The following TMEM117 variants were observed in gnomAD, a reference collection of about 807,000 sequenced individuals.
TMEM117 encodes transmembrane protein 117.
Under a neutral mutation model 52.4 loss-of-function variants are expected in TMEM117, and 27 were observed. The ratio of observed to expected loss-of-function variants is 0.51; its 90% CI spans 0.38 to 0.71. The LOEUF (loss-of-function observed/expected upper bound fraction) is 0.71. TMEM117 is among the 30% of genes least tolerant of loss of function. TMEM117 has a pLI of 0.00. For missense variants in TMEM117, 556 were observed against 630.5 expected, an observed-to-expected ratio of 0.88 and a Z score of 1.26; for synonymous variants, 215 against 206.3, an observed-to-expected ratio of 1.04 and a Z score of -0.36.
chr12:44,350,726 A>C (rs546591553), intron 6 of TMEM117, among the ~76,000 whole-genome samples: 1 of 151,940 alleles, frequency 6.6e-6, no homozygotes, highest in Non-Finnish European at 1.5e-5. Context: ...AGAGTACTCT[A>C]TTGTGTATAT....
At chr12:44,018,465 GTAATTT>G (rs1946405602) in intron 3 of TMEM117, among the ~76,000 whole-genome samples, 1 of 152,120 alleles carries the variant, frequency 6.6e-6, no homozygotes, top group Non-Finnish European at 1.5e-5. Flanking sequence ...CACATTTGAA[GTAATTT>G]TAATTAGAAA....
chr12:44,175,234 T>A (rs1011663810), intron 4 of TMEM117, among the ~76,000 whole-genome samples: 2 of 152,076 alleles, frequency 1.3e-5, no homozygotes, highest in African/African-American at 4.8e-5. Flanking sequence ...CTTAAGGTGT[T>A]GATGGTGGAG....
rs1177356042 is a variant in TMEM117, at chr12:44,388,488, A to G, written c.1361A>G (p.Gln454Arg). The change falls in exon 8 of 8, where the codon CAG becomes CGG. Residue 454 changes from glutamine (Q) to arginine (R), a missense_variant. This residue lies in a region of TMEM117 where 206 missense variants were observed against 211.1 expected (regional missense o/e 0.98). Transcript: ENST00000266534. ...KDMGITRENTQASVEDPLNDP... is the reference protein window; with the variant it reads ...KDMGITRENTRASVEDPLNDP... The stretch of plus-strand genomic sequence containing the variant: ...ATGGGAATCACTCGAGAAAACACCC[A>G]GGCTTCAGTAGAAGACCCCTTGAAT... 6.2e-7 allele frequency: 1 copy of G among 1,613,388 alleles called. No homozygotes were observed. Among genetic ancestry groups the G allele is most frequent in the African/African-American group, 1.3e-5 (1 of 74,892 alleles).
At chr12:44,293,715 A>G (rs1054878127) in intron 5 of TMEM117, among the ~76,000 whole-genome samples, 3 of 152,090 alleles carry the variant, frequency 2.0e-5, no homozygotes, top group Non-Finnish European at 2.9e-5. Context: ...TCAACGTTTT[A>G]TGCTATTGAT....
intron 3 of TMEM117, among the ~76,000 whole-genome samples, chr12:43,991,798 A>G (rs1284191402): frequency 2.0e-5 from 3 of 152,186 alleles, no homozygotes; most frequent in Admixed American, 6.5e-5. Flanking sequence ...CTTAAATGAG[A>G]CCGTCATCCA....
chr12:44,056,780 C>G (rs1196627419), intron 3 of TMEM117, among the ~76,000 whole-genome samples: 2 of 152,124 alleles, frequency 1.3e-5, no homozygotes, highest in African/African-American at 4.8e-5. Flanking sequence ...CTGTCTTTCT[C>G]TGTGTATAAC....
Position 44,299,656 on chromosome 12 carries a change from C to CG in TMEM117, c.689dup (p.Phe231IlefsTer5). 1 of 1,614,192 alleles carries CG rather than the reference C, an allele frequency of 6.2e-7. No homozygotes were observed. Among genetic ancestry groups the CG allele is most frequent in the Non-Finnish European group, 8.5e-7 (1 of 1,180,020 alleles). ...CTGGATCAGCTGGGACAAGCTGAAT[C>CG]GGGGATTTTTGCCCAGTGATGAAGT... On this transcript the variant is annotated frameshift_variant, in exon 6 of 8. Coordinates refer to ENST00000266534, the MANE Select transcript of TMEM117 (RefSeq NM_032256.3). LOFTEE classifies it high-confidence loss of function.
intron 6 of TMEM117, among the ~76,000 whole-genome samples, chr12:44,334,884 A>G (rs921956840): frequency 6.6e-6 from 1 of 152,082 alleles, no homozygotes; most frequent in African/African-American, 2.4e-5. Context: ...GAAAAAGTAT[A>G]TAGAATGGCC....
chr12:43,977,292 G>T (rs1037212610), intron 3 of TMEM117, among the ~76,000 whole-genome samples: 1 of 152,098 alleles, frequency 6.6e-6, no homozygotes, highest in African/African-American at 2.4e-5. Flanking sequence ...TGTCATCCAA[G>T]GAAGCTGCAT....
At chr12:44,194,482 A>G (rs1170111737) in intron 4 of TMEM117, among the ~76,000 whole-genome samples, 1 of 152,206 alleles carries the variant, frequency 6.6e-6, no homozygotes, top group East Asian at 1.9e-4. Context: ...AAACCAATAT[A>G]GAAGAAAGGA....
intron 5 of TMEM117, among the ~76,000 whole-genome samples, chr12:44,299,288 G>A (rs552884815): frequency 5.3e-5 from 8 of 152,026 alleles, no homozygotes; most frequent in South Asian, 2.1e-4. Flanking sequence ...ACACCACTGC[G>A]TTTGGCTAAT....
At chr12:44,096,644 G>C (rs1476834699) in intron 3 of TMEM117, among the ~76,000 whole-genome samples, 1 of 151,810 alleles carries the variant, frequency 6.6e-6, no homozygotes, top group East Asian at 1.9e-4. Flanking sequence ...ATGGTGCTGG[G>C]AAAACTGACT....
intron 6 of TMEM117, among the ~76,000 whole-genome samples, chr12:44,371,068 G>T (rs554820908): frequency 6.6e-6 from 1 of 152,246 alleles, no homozygotes; most frequent in South Asian, 2.1e-4. Flanking sequence ...GTTGCTGAAA[G>T]AAATCAGGCA....
At chr12:43,885,619 A>T (rs1304384572) in intron 2 of TMEM117, among the ~76,000 whole-genome samples, 1 of 149,254 alleles carries the variant, frequency 6.7e-6, no homozygotes, top group African/African-American at 2.5e-5. Flanking sequence ...TATATACTTT[A>T]TTTTTTTTTT....
At chr12:44,166,514 G>C (rs963849532) in intron 4 of TMEM117, among the ~76,000 whole-genome samples, 10 of 152,134 alleles carry the variant, frequency 6.6e-5, no homozygotes, top group African/African-American at 2.4e-4. Flanking sequence ...ATTTTAGAGG[G>C]AGAGTCAGTA....
At chr12:44,104,051 A>G (rs1360638133) in intron 3 of TMEM117, among the ~76,000 whole-genome samples, 1 of 152,036 alleles carries the variant, frequency 6.6e-6, no homozygotes, top group Non-Finnish European at 1.5e-5. Flanking sequence ...CTGGAAAGCA[A>G]GAGAGAGGAG....
intron 5 of TMEM117, among the ~76,000 whole-genome samples, chr12:44,269,509 G>GT (rs1434891018): frequency 6.6e-6 from 1 of 150,576 alleles, no homozygotes; most frequent in Non-Finnish European, 1.5e-5. Flanking sequence ...TTTTAGTTTT[G>GT]TTTTTTCTAT....
intron 4 of TMEM117, among the ~76,000 whole-genome samples, chr12:44,152,802 C>T (rs1284341782): frequency 2.2e-5 from 3 of 136,088 alleles, no homozygotes; most frequent in African/African-American, 8.2e-5. Context: ...AATATATATA[C>T]ATTATGTTTA....
intron 6 of TMEM117, among the ~76,000 whole-genome samples, chr12:44,330,047 G>T (rs1342579951): frequency 1.3e-5 from 2 of 151,914 alleles, no homozygotes; most frequent in Non-Finnish European, 2.9e-5. Flanking sequence ...TAGAATTCCT[G>T]GATCATCTGG....
Sources: gnomAD v4.1 joint callset for allele counts (sites outside exome capture counted in the v4.1 genomes callset) on GRCh38, gnomAD v4.1.1 for gene constraint, gnomAD v4.1.1 regional missense constraint, MANE v1.5 for transcripts, NCBI Gene and HGNC (gene_info 2026-07-23, HGNC 2026-07-21) for gene names.